VPS13B: variants seen among roughly 807,000 people sequenced by gnomAD.
VPS13B encodes intermembrane lipid transfer protein VPS13B.
A neutral mutation model predicts 426.4 loss-of-function variants in VPS13B; 285 were observed. That is an observed-to-expected ratio of 0.67 (90% CI 0.61 to 0.74). VPS13B has a LOEUF of 0.74. Among genes scored for constraint, VPS13B ranks in the 30% least tolerant of loss-of-function variants. VPS13B has a pLI of 0.00. For missense variants in VPS13B, 4,537 were observed against 4,782.6 expected (o/e 0.95, Z 1.51); for synonymous variants, 1,676 against 1,676.4 (o/e 1.00, Z 0.01).
rs529422773 is a variant in VPS13B at position 99,122,276 on chromosome 8, A to G, written c.1206+831A>G. Among the ~76,000 whole-genome samples the G allele has an allele frequency of 1.1e-4, 16 of 151,780 alleles. No homozygotes were observed. The South Asian group carries it at 3.3e-3, about 32-fold the overall frequency. ...CTCTTCTAGCTATTTTTCCAGCAGT[A>G]TTTAACATAACTTGACGACTTCCTC... is the stretch of plus-strand genomic sequence containing the variant. On this transcript the variant is annotated intron_variant, in intron 8 of 61. Coordinates refer to ENST00000357162, the MANE Select transcript of VPS13B (RefSeq NM_152564.5).
intron 19 of VPS13B, among the ~76,000 whole-genome samples, chr8:99,277,580 T>C (rs1426140761): frequency 6.6e-6 from 1 of 152,184 alleles, no homozygotes; most frequent in East Asian, 1.9e-4. Flanking sequence ...CCTTCAAGAC[T>C]TTACAAAAAT....
intron 54 of VPS13B, among the ~76,000 whole-genome samples, chr8:99,846,408 G>A (rs1815985916): frequency 6.6e-6 from 1 of 152,192 alleles, no homozygotes; most frequent in Non-Finnish European, 1.5e-5. Flanking sequence ...CACTCTTTAA[G>A]TGTTTGTCAA....
chr8:99,710,946 A>G (rs1832687667), intron 36 of VPS13B, among the ~76,000 whole-genome samples: 1 of 152,066 alleles, frequency 6.6e-6, no homozygotes, highest in Non-Finnish European at 1.5e-5. Context: ...TAGAGGTTGC[A>G]GTGAACTGAG....
rs180749922 is a variant in VPS13B, at chr8:99,268,541, C to A, written c.2516-5657C>A. Among the ~76,000 whole-genome samples, 34 of 152,242 alleles carry A rather than the reference C, an allele frequency of 2.2e-4. No individual in the cohort carries two copies. In the East Asian group the frequency reaches 6.2e-3, roughly 28 times the overall value. On this transcript the variant is annotated intron_variant, in intron 17 of 61. Transcript: ENST00000357162. ...TTGGAACTTTAAGATTTAATGACTG[C>A]CCTATTGGATTTTAGACTTCCATGG... is the stretch of plus-strand genomic sequence containing the variant.
chr8:99,790,075 G>A (rs1047368326), intron 43 of VPS13B, among the ~76,000 whole-genome samples: 4 of 152,114 alleles, frequency 2.6e-5, no homozygotes, highest in African/African-American at 7.2e-5. Flanking sequence ...ACAGCACCAA[G>A]TGTAATGATA....
chr8:99,061,275 T>A (rs542676856), intron 3 of VPS13B, among the ~76,000 whole-genome samples: 2 of 151,284 alleles, frequency 1.3e-5, no homozygotes, highest in African/African-American at 4.8e-5. Context: ...TTTGTTTTGA[T>A]GATTAGATGC....
At chr8:99,581,168 T>TGAGACCCTG (rs1047962812) in intron 33 of VPS13B, among the ~76,000 whole-genome samples, 1 of 148,594 alleles carries the variant, frequency 6.7e-6, no homozygotes, top group Non-Finnish European at 1.5e-5. Flanking sequence ...GGTAACAAAG[T>TGAGACCCTG]GAGACCCTGT....
intron 59 of VPS13B, among the ~76,000 whole-genome samples, chr8:99,869,270 T>C (rs947712963): frequency 1.1e-4 from 17 of 152,188 alleles, no homozygotes; most frequent in East Asian, 1.9e-4. Context: ...TTGTCAGACA[T>C]GTGAGCACAC....
intron 34 of VPS13B, among the ~76,000 whole-genome samples, chr8:99,653,561 C>A (rs1197187960): frequency 6.6e-6 from 1 of 150,700 alleles, no homozygotes; most frequent in Non-Finnish European, 1.5e-5. Context: ...ATGAAACAAC[C>A]AAATTTTAAT....
chr8:99,092,814 C>T (rs766195439), intron 3 of VPS13B, among the ~76,000 whole-genome samples: 25 of 151,996 alleles, frequency 1.6e-4, no homozygotes, highest in Non-Finnish European at 2.9e-4. Flanking sequence ...GATTAATGCT[C>T]ATTTTTTAAG....
chr8:99,682,382 A>T (rs1023753123), intron 35 of VPS13B, among the ~76,000 whole-genome samples: 1 of 152,208 alleles, frequency 6.6e-6, no homozygotes, highest in African/African-American at 2.4e-5. Flanking sequence ...AGGCTATCTA[A>T]AAATTAGATT....
At chr8:99,830,535 C>A (rs1439722809) in intron 51 of VPS13B, among the ~76,000 whole-genome samples, 1 of 152,178 alleles carries the variant, frequency 6.6e-6, no homozygotes, top group African/African-American at 2.4e-5. Flanking sequence ...GCCTGCTGGG[C>A]TCCCTGGGGG....
chr8:99,815,430 C>T (rs1813971659), intron 44 of VPS13B, among the ~76,000 whole-genome samples: 1 of 152,072 alleles, frequency 6.6e-6, no homozygotes, highest in Non-Finnish European at 1.5e-5. Context: ...TCTTACTTAG[C>T]CTTTTCCTTC....
At chr8:99,696,703 C>G in intron 35 of VPS13B, 1 of 829,306 alleles carries the variant, frequency 1.2e-6, no homozygotes, top group Non-Finnish European at 2.1e-6. Flanking sequence ...AAGGGCAGTG[C>G]CACCAGACTT....
intron 33 of VPS13B, among the ~76,000 whole-genome samples, chr8:99,625,867 CA>C (rs527633428): frequency 2.0e-5 from 3 of 151,618 alleles, no homozygotes; most frequent in East Asian, 1.9e-4. Context: ...ACAACAACAA[CA>C]AAAAAAACCC....
At chr8:99,648,707 C>G (rs1474051457) in intron 34 of VPS13B, among the ~76,000 whole-genome samples, 1 of 152,030 alleles carries the variant, frequency 6.6e-6, no homozygotes, top group African/African-American at 2.4e-5. Flanking sequence ...TCTATATATT[C>G]AAAACCCTAC....
intron 19 of VPS13B, among the ~76,000 whole-genome samples, chr8:99,309,501 G>T (rs1022656492): frequency 6.6e-6 from 1 of 152,108 alleles, no homozygotes; most frequent in African/African-American, 2.4e-5. Flanking sequence ...TAGATGTGTG[G>T]TATTATTTCT....
At chr8:99,360,364 G>A (rs1199643208) in intron 19 of VPS13B, among the ~76,000 whole-genome samples, 2 of 149,644 alleles carry the variant, frequency 1.3e-5, no homozygotes, top group East Asian at 2.0e-4. Context: ...TGCAAGCTCC[G>A]CCTCCCGGGT....
intron 17 of VPS13B, among the ~76,000 whole-genome samples, chr8:99,222,129 G>A (rs564552402): frequency 1.2e-4 from 19 of 152,244 alleles, no homozygotes; most frequent in African/African-American, 4.1e-4. Flanking sequence ...CCTGTAGGCC[G>A]TAAATGTAGT....
Sources: allele counts gnomAD v4.1 joint callset (sites outside exome capture counted in the v4.1 genomes callset), GRCh38; gene constraint gnomAD v4.1.1; transcripts MANE v1.5; gene names NCBI Gene and HGNC (gene_info 2026-07-23, HGNC 2026-07-21).